RBFOX1: variants seen among roughly 807,000 people sequenced by gnomAD.
RBFOX1 encodes the protein RNA binding fox-1 homolog 1.
In RBFOX1, 8 loss-of-function variants were observed where a neutral mutation model predicts 57.7. The observed-to-expected ratio is 0.14, with a 90% CI of 0.08 to 0.25. The LOEUF is 0.25. Among genes scored for constraint, RBFOX1 ranks in the 10% least tolerant of loss-of-function variants. The probability of loss-of-function intolerance (pLI) is 1.00; values close to 1 mark genes in which losing one functional copy is unlikely to be tolerated. For missense variants in RBFOX1, 611 were observed against 548.5 expected (o/e 1.11, Z -1.14); for synonymous variants, 326 against 222.4 (o/e 1.47, Z -4.15).
At position 7,621,264 on chromosome 16, in the gene RBFOX1, A is replaced by T. The variant is rs539043196; in HGVS notation, c.677-9339A>T. 1.3e-3 allele frequency among the ~76,000 whole-genome samples: 199 copies of T among 149,348 alleles called. 1 individual carries two copies. Among genetic ancestry groups the T allele is most frequent in the Non-Finnish European group, 2.1e-3 (140 of 67,136 alleles). On this transcript the variant is annotated intron_variant, in intron 10 of 15. Transcript: ENST00000550418. Reference sequence around the variant, plus strand: ...AATACTCTATGGAATAACTTTTTGAATTTTTTTTTTTCTTTTTTGAGATGG... The same window carrying T: ...AATACTCTATGGAATAACTTTTTGATTTTTTTTTTTTCTTTTTTGAGATGG...
intron 12 of RBFOX1, among the ~76,000 whole-genome samples, chr16:7,655,519 A>ATAAT (rs1278935269): frequency 1.3e-5 from 2 of 152,212 alleles, no homozygotes; most frequent in Non-Finnish European, 2.9e-5. Flanking sequence ...TGTCGATAGT[A>ATAAT]TAATTTTTAT....
At chr16:6,913,655 G>A (rs1023099398) in intron 3 of RBFOX1, among the ~76,000 whole-genome samples, 6 of 152,168 alleles carry the variant, frequency 3.9e-5, no homozygotes, top group Non-Finnish European at 8.8e-5. Flanking sequence ...CAGCAAGTTG[G>A]TCTCCTAGAA....
At chr16:7,523,878 T>C (rs1313550617) in intron 5 of RBFOX1, among the ~76,000 whole-genome samples, 1 of 152,228 alleles carries the variant, frequency 6.6e-6, no homozygotes, top group Non-Finnish European at 1.5e-5. Context: ...AAATTGTCTC[T>C]GCCTCCTCCT....
At chr16:6,554,139 G>A (rs2097049526) in intron 2 of RBFOX1, among the ~76,000 whole-genome samples, 1 of 152,178 alleles carries the variant, frequency 6.6e-6, no homozygotes, top group Admixed American at 6.5e-5. Flanking sequence ...TTAGAAATTG[G>A]CAAAATGGGG....
chr16:7,340,092 C>G (rs917768017), intron 4 of RBFOX1, among the ~76,000 whole-genome samples: 4 of 152,358 alleles, frequency 2.6e-5, no homozygotes, highest in African/African-American at 9.6e-5. Flanking sequence ...ATCATCTAAT[C>G]TCTGGTTGCC....
At position 6,794,902 on chromosome 16, in the gene RBFOX1, C is replaced by G. The variant is rs564652116; in HGVS notation, c.-16+140252C>G. Among the ~76,000 whole-genome samples the G allele has an allele frequency of 2.6e-5, 4 of 152,202 alleles. No individual in the cohort carries two copies. The East Asian group carries it at 5.8e-4, about 22-fold the overall frequency. On this transcript the variant is annotated intron_variant, in intron 3 of 15. Coordinates refer to ENST00000550418, the MANE Select transcript of RBFOX1 (RefSeq NM_018723.4). ...AATGGAGGGAAGGCCTCTGGATCAA[C>G]CCATTCATTTCACAGATGAGCAAAC...
chr16:5,529,377 T>C (rs920030482), intron 2 of RBFOX1, among the ~76,000 whole-genome samples: 3 of 145,492 alleles, frequency 2.1e-5, no homozygotes, highest in Non-Finnish European at 4.5e-5. Context: ...CCCAATCCAG[T>C]ATGGCCAGTG....
chr16:5,610,869 C>G (rs1348426607), intron 3 of RBFOX1, among the ~76,000 whole-genome samples: 1 of 151,816 alleles, frequency 6.6e-6, no homozygotes, highest in Admixed American at 6.6e-5. Context: ...CCCTATCTGT[C>G]AAAAGATAAA....
intron 4 of RBFOX1, among the ~76,000 whole-genome samples, chr16:7,116,686 T>G (rs2065972212): frequency 6.6e-6 from 1 of 152,128 alleles, no homozygotes; most frequent in Admixed American, 6.5e-5. Context: ...AAGCTACCAT[T>G]AGATTATTCT....
chr16:7,100,135 A>C (rs962694711), intron 4 of RBFOX1, among the ~76,000 whole-genome samples: 1 of 152,104 alleles, frequency 6.6e-6, no homozygotes, highest in Non-Finnish European at 1.5e-5. Flanking sequence ...GGGAACAAAA[A>C]AAAAAGCTTT....
chr16:6,067,374 ACAAACCAAC>A (rs1374198591), intron 1 of RBFOX1, among the ~76,000 whole-genome samples: 8,218 of 35,190 alleles, frequency 0.23, 606 homozygotes, highest in African/African-American at 0.46. Context: ...AGAGGCAAAA[ACAAACCAAC>A]CAAACAAACA....
At chr16:7,413,880 C>A (rs75982125) in intron 4 of RBFOX1, among the ~76,000 whole-genome samples, 1 of 152,022 alleles carries the variant, frequency 6.6e-6, no homozygotes, top group Non-Finnish European at 1.5e-5. Context: ...TTGGCTTTTG[C>A]GAGGATTAAT....
chr16:5,488,146 G>C (rs2042697486), intron 2 of RBFOX1, among the ~76,000 whole-genome samples: 2 of 136,616 alleles, frequency 1.5e-5, no homozygotes, highest in South Asian at 2.8e-4. Flanking sequence ...TAATGGTGAT[G>C]ATGATGGATA....
At chr16:7,629,245 ACTGTC>A (rs1236495786) in intron 10 of RBFOX1, among the ~76,000 whole-genome samples, 2 of 152,164 alleles carry the variant, frequency 1.3e-5, no homozygotes, top group African/African-American at 4.8e-5. Flanking sequence ...TGTCTGGTTT[ACTGTC>A]CCTTGATGAC....
chr16:5,736,900 C>A lies in RBFOX1; in HGVS notation c.319-130403C>A, dbSNP rs866382221. ...TTCCTTGTTTCTCGCTCTCTCTCCC[C>A]CTCCGTCTCTCTCCCCCTCCCTCTC... is the stretch of plus-strand genomic sequence containing the variant. On this transcript the variant is annotated intron_variant, in intron 3 of 19. Coordinates refer to the RBFOX1 transcript ENST00000641259. Among the ~76,000 whole-genome samples, 122 of 146,058 alleles carry A rather than the reference C, an allele frequency of 8.4e-4. 1 individual carries two copies. The highest frequency in any genetic ancestry group is 2.9e-3 in the African/African-American group (115 of 39,468).
intron 4 of RBFOX1, among the ~76,000 whole-genome samples, chr16:7,237,405 A>G (rs924975857): frequency 2.6e-5 from 4 of 152,162 alleles, no homozygotes; most frequent in African/African-American, 9.7e-5. Flanking sequence ...ATTTGAACTG[A>G]TCCTTCTATA....
chr16:5,519,085 A>C (rs2043911132), intron 2 of RBFOX1, among the ~76,000 whole-genome samples: 1 of 152,134 alleles, frequency 6.6e-6, no homozygotes. Flanking sequence ...CCAAGGAGAG[A>C]GGCTCCAAAA....
chr16:7,377,526 T>A (rs1222160574), intron 4 of RBFOX1, among the ~76,000 whole-genome samples: 1 of 152,192 alleles, frequency 6.6e-6, no homozygotes, highest in Non-Finnish European at 1.5e-5. Flanking sequence ...CTAAGGAGAA[T>A]TTAAACCCTT....
intron 3 of RBFOX1, among the ~76,000 whole-genome samples, chr16:6,880,150 T>C (rs1320759603): frequency 6.6e-6 from 1 of 152,156 alleles, no homozygotes; most frequent in East Asian, 1.9e-4. Context: ...AGATGCACAG[T>C]TCTCTAATCA....
Sources: allele counts gnomAD v4.1 joint callset (sites outside exome capture counted in the v4.1 genomes callset), GRCh38; gene constraint gnomAD v4.1.1; transcripts MANE v1.5; gene names NCBI Gene and HGNC (gene_info 2026-07-23, HGNC 2026-07-21).